Variants in PLGRKT observed in about 807,000 individuals in gnomAD.
PLGRKT encodes plasminogen receptor (KT).
Under a neutral mutation model 18.5 loss-of-function variants are expected in PLGRKT, and 22 were observed. The ratio of observed to expected loss-of-function variants is 1.19; its 90% CI spans 0.85 to 1.70. The LOEUF (loss-of-function observed/expected upper bound fraction) is 1.70, where lower values mean the gene tolerates loss of function less well. PLGRKT is among the 40% of genes most tolerant of loss of function. PLGRKT has a pLI of 0.00. For synonymous variants in PLGRKT, 72 were observed against 52.8 expected (o/e 1.36, Z -1.58); for missense variants, 235 against 174.4 (o/e 1.35, Z -1.96).
At chr9:5,436,405 C>G (rs553179352) in intron 2 of PLGRKT, among the ~76,000 whole-genome samples, 164 bp downstream of exon 2, 2 of 152,236 alleles carry the variant, frequency 1.3e-5, no homozygotes, top group African/African-American at 4.8e-5. Flanking sequence ...AAGAAAACAA[C>G]TGTACTCTAG....
intron 3 of PLGRKT, among the ~76,000 whole-genome samples, chr9:5,371,080 T>C (rs1248209680): frequency 6.6e-6 from 1 of 152,206 alleles, no homozygotes. Flanking sequence ...CATAATTACA[T>C]CCATTCTTAC....
At chr9:5,411,258 G>A (rs1008722812) in intron 3 of PLGRKT, among the ~76,000 whole-genome samples, 21 of 151,642 alleles carry the variant, frequency 1.4e-4, no homozygotes, top group African/African-American at 4.8e-4. Context: ...AGTGGCATGC[G>A]TCTATAATTC....
At chr9:5,407,067 A>G (rs1471124049) in intron 3 of PLGRKT, among the ~76,000 whole-genome samples, 1 of 152,180 alleles carries the variant, frequency 6.6e-6, no homozygotes, top group Admixed American at 6.5e-5. Context: ...GTCTTCATGT[A>G]TAAAATTTTC....
upstream of PLGRKT, among the ~76,000 whole-genome samples, chr9:5,438,100 C>T (rs1586754244): frequency 6.6e-6 from 1 of 152,252 alleles, no homozygotes; most frequent in South Asian, 2.1e-4. Context: ...GCAGAGGAAG[C>T]GGAGTGGAAT....
At position 5,408,817 on chromosome 9, in the gene PLGRKT, G is replaced by A. The variant is rs548590217; in HGVS notation, c.81+23080C>T. 2.0e-5 allele frequency among the ~76,000 whole-genome samples: 3 copies of A among 152,332 alleles called. No homozygotes were observed. The South Asian group carries it at 6.2e-4, about 32-fold the overall frequency. ...GCCAGGCCCAGAGCCCCACTTCCCT[G>A]CACAGCCTTGGGACACTGTTCCCCC... On this transcript the variant is annotated intron_variant, in intron 3 of 5. Transcript: ENST00000223864.
intron 3 of PLGRKT, among the ~76,000 whole-genome samples, chr9:5,382,913 G>C (rs1817773927): frequency 6.6e-6 from 1 of 152,202 alleles, no homozygotes; most frequent in Non-Finnish European, 1.5e-5. Flanking sequence ...AGTAGGGGTT[G>C]ACTCCCTATA....
intron 3 of PLGRKT, among the ~76,000 whole-genome samples, chr9:5,397,192 T>G (rs1818066470): frequency 6.6e-6 from 1 of 151,940 alleles, no homozygotes; most frequent in South Asian, 2.1e-4. Context: ...TGCCTACTAG[T>G]GGCAACCCAT....
intron 3 of PLGRKT, among the ~76,000 whole-genome samples, chr9:5,387,669 C>G (rs7040655): frequency 0.5 from 49,154 of 97,786 alleles, 9,872 homozygotes; most frequent in African/African-American, 0.69. Flanking sequence ...AAGCCTCCTG[C>G]GGGGGGGCTG....
chr9:5,390,241 G>A lies in PLGRKT; in HGVS notation c.82-28353C>T, dbSNP rs13299308. 5.0e-3 allele frequency among the ~76,000 whole-genome samples: 749 copies of A among 148,512 alleles called. 9 individuals carry two copies. The highest frequency in any genetic ancestry group is 8.9e-3 in the Admixed American group (133 of 14,966). ...CGTGTGTGTGTGTGTGTGTGTATGT[G>A]TATATATATATATATATTTGCCTTT... On this transcript the variant is annotated intron_variant, in intron 3 of 5. Transcript: ENST00000223864.
chr9:5,417,973 T>C (rs1356394983), intron 3 of PLGRKT, among the ~76,000 whole-genome samples: 1 of 152,242 alleles, frequency 6.6e-6, no homozygotes, highest in Non-Finnish European at 1.5e-5. Context: ...TTAATTCTAC[T>C]TGCATACAGA....
chr9:5,382,296 C>T (rs1817761803), intron 3 of PLGRKT, among the ~76,000 whole-genome samples: 2 of 152,304 alleles, frequency 1.3e-5, no homozygotes, highest in African/African-American at 4.8e-5. Context: ...ACAGTTATGA[C>T]AGGCACAATT....
chr9:5,394,875 A>C (rs1168199774), intron 3 of PLGRKT, among the ~76,000 whole-genome samples: 1 of 151,838 alleles, frequency 6.6e-6, no homozygotes, highest in Admixed American at 6.6e-5. Flanking sequence ...ACTATTTCCA[A>C]ACAGCCAGCC....
intron 3 of PLGRKT, among the ~76,000 whole-genome samples, chr9:5,390,237 A>ATGTG (rs377656002): frequency 0.016 from 1,302 of 80,856 alleles, 52 homozygotes; most frequent in African/African-American, 0.051. Flanking sequence ...GTGTGTGTGT[A>ATGTG]TGTGTATATA....
intron 3 of PLGRKT, among the ~76,000 whole-genome samples, chr9:5,376,671 T>C (rs1216033979): frequency 6.6e-6 from 1 of 152,228 alleles, no homozygotes; most frequent in Non-Finnish European, 1.5e-5. Flanking sequence ...CCTATGCAGC[T>C]ACATGTCCTG....
chr9:5,428,792 G>A (rs916584889), intron 3 of PLGRKT, among the ~76,000 whole-genome samples: 15 of 152,160 alleles, frequency 9.9e-5, no homozygotes, highest in African/African-American at 3.6e-4. Context: ...TGACCTTCCT[G>A]GGCTCAAGCA....
chr9:5,377,960 G>A (rs1388880645), intron 3 of PLGRKT, among the ~76,000 whole-genome samples: 3 of 152,226 alleles, frequency 2.0e-5, no homozygotes, highest in African/African-American at 4.8e-5. Context: ...ACCATGCTTC[G>A]TCCCAGAGTA....
intron 3 of PLGRKT, among the ~76,000 whole-genome samples, chr9:5,413,482 G>T (rs1034222861): frequency 6.6e-6 from 1 of 152,126 alleles, no homozygotes; most frequent in East Asian, 1.9e-4. Flanking sequence ...TAATCACAAG[G>T]GTCCTAAAAG....
intron 3 of PLGRKT, among the ~76,000 whole-genome samples, chr9:5,403,952 A>G (rs1312008025): frequency 6.6e-6 from 1 of 152,144 alleles, no homozygotes; most frequent in Non-Finnish European, 1.5e-5. Flanking sequence ...GGATACCACC[A>G]CTGACACCAC....
intron 3 of PLGRKT, among the ~76,000 whole-genome samples, chr9:5,378,889 G>A (rs1001244096): frequency 6.6e-6 from 1 of 152,142 alleles, no homozygotes; most frequent in Admixed American, 6.5e-5. Flanking sequence ...GTGTGTATCT[G>A]TATAGCCAAT....
Sources: allele counts gnomAD v4.1 joint callset (sites outside exome capture counted in the v4.1 genomes callset), GRCh38; gene constraint gnomAD v4.1.1; transcripts MANE v1.5; gene names NCBI Gene and HGNC (gene_info 2026-07-23, HGNC 2026-07-21).